Variants in ITPA observed in about 807,000 individuals in gnomAD.
ITPA encodes the protein inosine triphosphate pyrophosphatase.
ITPA carries 29 observed loss-of-function variants against 29.6 expected under a neutral mutation model. The observed-to-expected ratio is 0.98, with a 90% CI of 0.73 to 1.34. ITPA has a LOEUF of 1.34. Among genes scored for constraint, ITPA ranks in the 40% most tolerant of loss-of-function variants. The pLI is 0.00. For missense variants in ITPA, 241 were observed against 251.5 expected, an observed-to-expected ratio of 0.96 and a Z score of 0.28; for synonymous variants, 103 against 99.3, an observed-to-expected ratio of 1.04 and a Z score of -0.22.
rs182610578 is a variant in ITPA at position 3,215,836 on chromosome 20, C to T, written c.295+524C>T. ...AAGTAGCTGGGATTACAGGCGCCCACCACCACGCCCTGCTAATTTTTGTAT... is the reference window on the plus strand; with the variant it reads ...AAGTAGCTGGGATTACAGGCGCCCATCACCACGCCCTGCTAATTTTTGTAT... On this transcript the variant is annotated intron_variant, in intron 5 of 7. Coordinates refer to ENST00000380113, the MANE Select transcript of ITPA (RefSeq NM_033453.4). Among the ~76,000 whole-genome samples the T allele has an allele frequency of 3.4e-3, 519 of 152,112 alleles. 2 individuals are homozygous for T. The highest frequency in any genetic ancestry group is 0.012 in the African/African-American group (484 of 41,496).
intron 6 of ITPA, 51 bp downstream of exon 6, chr20:3,218,683 GCGACCCGAGCCGACCGCCC>G (rs764082883): frequency 1.4e-6 from 2 of 1,428,460 alleles, no homozygotes; most frequent in Non-Finnish European, 2.0e-6. Context: ...AGGGGGTGCC[GCGACCCGAGCCGACCGCCC>G]CGAGTCTGCG....
chr20:3,213,931 T>G, intron 3 of ITPA, 54 bp from the exon 4 acceptor site: 1 of 1,591,200 alleles, frequency 6.3e-7, no homozygotes, highest in Non-Finnish European at 8.6e-7. Flanking sequence ...ACCTGGACGT[T>G]CCAGGTGGGG....
upstream of ITPA, chr20:3,204,824 A>G (rs1376537642): frequency 1.8e-6 from 1 of 567,092 alleles, no homozygotes; most frequent in Non-Finnish European, 3.1e-6. Flanking sequence ...AGGAAATTAT[A>G]GCAGACGGTA....
chr20:3,218,680 G>A (rs1217397907), intron 6 of ITPA, 48 bp downstream of exon 6: 2 of 1,462,660 alleles, frequency 1.4e-6, no homozygotes, highest in Admixed American at 3.4e-5. Context: ...GCCAGGGGGT[G>A]CCGCGACCCG....
At chr20:3,221,494 G>A (rs1700708401) in intron 6 of ITPA, among the ~76,000 whole-genome samples, 1 of 152,124 alleles carries the variant, frequency 6.6e-6, no homozygotes, top group East Asian at 1.9e-4. Flanking sequence ...AGGAGAAAAC[G>A]TTTTCTGTCT....
intron 5 of ITPA, 95 bp from the exon 6 acceptor site, chr20:3,218,422 G>A (rs975030860): frequency 7.9e-6 from 7 of 887,650 alleles, no homozygotes; most frequent in Non-Finnish European, 1.3e-5. Flanking sequence ...CCCCTTTTAG[G>A]GAATTCCTCC....
intron 1 of ITPA, among the ~76,000 whole-genome samples, chr20:3,210,943 C>T (rs1318963395): frequency 2.6e-5 from 4 of 151,160 alleles, no homozygotes; most frequent in African/African-American, 7.3e-5. Flanking sequence ...CCCAGCTACT[C>T]GGGAGGCTGA....
At position 3,209,558 on chromosome 20, in the gene ITPA, G is replaced by A; in HGVS notation, c.7G>A (p.Ala3Thr). Residue 3 changes from alanine to threonine, a missense_variant, in exon 1 of 8, where the codon GCC becomes ACC. Ala to Thr is a moderately conservative substitution (Grantham distance 58). Transcript: ENST00000380113. This position sits in a 1 kb window ranked among gnomAD's most constrained non-coding sequence, Gnocchi z 4.6. Reference sequence around the variant, plus strand: ...TGGGTAACCGGGGATCACCATGGCGGCCTCATTGGTGGGGAAGAAGATCGT... The same window carrying A: ...TGGGTAACCGGGGATCACCATGGCGACCTCATTGGTGGGGAAGAAGATCGT... MA[A>T]SLVGKKIVFV... 1 of 1,614,102 alleles carries A rather than the reference G, an allele frequency of 6.2e-7. No individual in the cohort carries two copies. The highest frequency in any genetic ancestry group is 8.5e-7 in the Non-Finnish European group (1 of 1,179,984).
At chr20:3,212,773 G>T (rs2067202176) in intron 1 of ITPA, among the ~76,000 whole-genome samples, 1 of 152,098 alleles carries the variant, frequency 6.6e-6, no homozygotes, top group Non-Finnish European at 1.5e-5. Context: ...AATTGAAAAA[G>T]TTACTACATT....
At chr20:3,226,009 C>T (rs777764704), downstream of ITPA, among the ~76,000 whole-genome samples, 5 of 152,298 alleles carry the variant, frequency 3.3e-5, no homozygotes, top group East Asian at 5.8e-4. The surrounding 1 kb of genome is among the most constrained non-coding windows in gnomAD (Gnocchi z 4.4). Context: ...GAGAGTGAGA[C>T]GCTGTCTCAA....
At chr20:3,218,805 CTAGGAGGGTG>C (rs1241453199) in intron 6 of ITPA, 173 bp downstream of exon 6, 18 of 664,286 alleles carry the variant, frequency 2.7e-5, no homozygotes, top group Non-Finnish European at 3.8e-5. Flanking sequence ...GCTGTGGATC[CTAGGAGGGTG>C]GTGGAAAGGG....
At chr20:3,214,944 G>T (rs943357240) in intron 4 of ITPA, among the ~76,000 whole-genome samples, 3 of 151,778 alleles carry the variant, frequency 2.0e-5, no homozygotes, top group African/African-American at 7.3e-5. Flanking sequence ...GAGTGCAGTG[G>T]TGTGATCACA....
upstream of ITPA, among the ~76,000 whole-genome samples, chr20:3,208,654 G>GC (rs2067107009): frequency 6.6e-6 from 1 of 152,234 alleles, no homozygotes; most frequent in Non-Finnish European, 1.5e-5. Context: ...GGGATTACAG[G>GC]CGTGAGCCAC....
rs1462407982 is a variant in ITPA, at chr20:3,223,559, C to G, written c.*97C>G. On this transcript the variant is annotated 3_prime_UTR_variant, in exon 8 of 8. Transcript: ENST00000380113. ...CAGGCACCCCCTGAAGTACTTCCTT[C>G]AGGGTTTCCCCTTTGTGAGGGTGTC... 5.5e-6 allele frequency: 5 copies of G among 906,684 alleles called. No homozygotes were observed. The highest frequency in any genetic ancestry group is 7.0e-6 in the Non-Finnish European group (4 of 569,570). The allele number at this position is 906,684 out of a possible 1,614,324, so 56.2% of individuals were successfully genotyped here.
In ITPA at chr20:3,209,681, C is replaced by A. The variant is rs531856563; in HGVS notation, c.66+64C>A. 1 of 1,385,744 alleles carries A rather than the reference C, an allele frequency of 7.2e-7. No homozygotes were observed. 85.8% of individuals were successfully genotyped at this position (1,385,744 alleles called of 1,614,324 possible). On this transcript the variant is annotated intron_variant, in intron 1 of 7. Coordinates refer to ENST00000380113, the MANE Select transcript of ITPA (RefSeq NM_033453.4). This position sits in a 1 kb window ranked among gnomAD's most constrained non-coding sequence, Gnocchi z 4.6. Reference sequence around the variant, plus strand: ...GGGAATAGGGCGGAGAAGGGGCTTCCGGGAGGAGGGAAGCACGTGGGAGGA... The same window carrying A: ...GGGAATAGGGCGGAGAAGGGGCTTCAGGGAGGAGGGAAGCACGTGGGAGGA...
At chr20:3,216,212 T>G (rs1239816590) in intron 5 of ITPA, among the ~76,000 whole-genome samples, 1 of 142,030 alleles carries the variant, frequency 7.0e-6, no homozygotes, top group Non-Finnish European at 1.5e-5. Context: ...CAGGCTGGAG[T>G]GCAGTGGCAT....
In ITPA at chr20:3,223,358, C is replaced by G. The variant is rs1282248154; in HGVS notation, c.489-8C>G. Reference sequence around the variant, plus strand: ...TGGGCTCCCTGAGCTGCTACTGTCACCCCTCAGGTACGCAGAGATGCCTAA... The same window carrying G: ...TGGGCTCCCTGAGCTGCTACTGTCAGCCCTCAGGTACGCAGAGATGCCTAA... On this transcript the variant is annotated splice_region_variant and splice_polypyrimidine_tract_variant and intron_variant, in intron 7 of 7. Coordinates refer to ENST00000380113, the MANE Select transcript of ITPA (RefSeq NM_033453.4). 18 of 1,610,408 alleles carry G rather than the reference C, an allele frequency of 1.1e-5. No homozygotes were observed. The highest frequency in any genetic ancestry group is 1.3e-5 in the Non-Finnish European group (15 of 1,177,436).
At chr20:3,216,873 C>A (rs1046254690) in intron 5 of ITPA, among the ~76,000 whole-genome samples, 1 of 152,120 alleles carries the variant, frequency 6.6e-6, no homozygotes, top group African/African-American at 2.4e-5. Context: ...GCATGAGCCA[C>A]CACTCCCAGC....
At chr20:3,204,389 C>A, upstream of ITPA, 1 of 772,376 alleles carries the variant, frequency 1.3e-6, no homozygotes, top group Middle Eastern at 3.1e-4. Context: ...CTGCGGAAGC[C>A]CCACCCGGCA....
Sources: allele counts gnomAD v4.1 joint callset (sites outside exome capture counted in the v4.1 genomes callset), GRCh38; gene constraint gnomAD v4.1.1; non-coding constraint Gnocchi (gnomAD v3.1); transcripts MANE v1.5; gene names NCBI Gene and HGNC (gene_info 2026-07-23, HGNC 2026-07-21).